PKNOX2: variants seen among roughly 807,000 people sequenced by gnomAD.
PKNOX2 encodes PBX/knotted 1 homeobox 2.
Under a neutral mutation model 53.1 loss-of-function variants are expected in PKNOX2, and 14 were observed. The ratio of observed to expected loss-of-function variants is 0.26; its 90% CI spans 0.17 to 0.41. The LOEUF (loss-of-function observed/expected upper bound fraction) is 0.41. Ranked by LOEUF, PKNOX2 falls within the 10% of genes least tolerant of loss-of-function variation. PKNOX2 has a pLI of 1.00. For synonymous variants in PKNOX2, 257 were observed against 242.8 expected, an observed-to-expected ratio of 1.06 and a Z score of -0.54; for missense variants, 496 against 602.8, an observed-to-expected ratio of 0.82 and a Z score of 1.85.
At chr11:125,298,339 G>A (rs1947799033) in intron 2 of PKNOX2, among the ~76,000 whole-genome samples, 1 of 152,188 alleles carries the variant, frequency 6.6e-6, no homozygotes, top group African/African-American at 2.4e-5. Context: ...CGTCACCAGG[G>A]ATAGAGGCCC....
At chr11:125,324,526 C>T (rs192762732) in intron 2 of PKNOX2, among the ~76,000 whole-genome samples, 28 of 152,156 alleles carry the variant, frequency 1.8e-4, no homozygotes, top group African/African-American at 5.5e-4. Context: ...ATTATATAAT[C>T]AAGTGGGGTG....
intron 2 of PKNOX2, among the ~76,000 whole-genome samples, chr11:125,262,431 C>T (rs1220899530): frequency 6.6e-6 from 1 of 151,760 alleles, no homozygotes; most frequent in Non-Finnish European, 1.5e-5. Context: ...CTTAGCGTCC[C>T]GTCGCAGATT....
intron 8 of PKNOX2, 98 bp downstream of exon 8, chr11:125,410,423 AG>A (rs1955437839): frequency 6.7e-7 from 1 of 1,483,370 alleles, no homozygotes; most frequent in Non-Finnish European, 9.1e-7. Flanking sequence ...TCCTCCACCG[AG>A]GGAGGGGCTC....
intron 1 of PKNOX2, among the ~76,000 whole-genome samples, chr11:125,178,942 A>G (rs1259283005): frequency 6.6e-6 from 1 of 152,004 alleles, no homozygotes; most frequent in Non-Finnish European, 1.5e-5. Context: ...GGGACAATGA[A>G]AGGAGATAGC....
chr11:125,215,479 C>A (rs1808480972), intron 1 of PKNOX2, among the ~76,000 whole-genome samples: 1 of 152,044 alleles, frequency 6.6e-6, no homozygotes, highest in Admixed American at 6.5e-5. Flanking sequence ...ATGCTGGGCG[C>A]GGTGGCTCAT....
At chr11:125,236,354 C>G (rs1942693793) in intron 2 of PKNOX2, among the ~76,000 whole-genome samples, 1 of 125,990 alleles carries the variant, frequency 7.9e-6, no homozygotes, top group African/African-American at 3.2e-5. Flanking sequence ...TCCCTCCATC[C>G]TGTTCCAGGA....
chr11:125,360,059 TC>T (rs1414359541), intron 4 of PKNOX2, among the ~76,000 whole-genome samples: 1 of 150,622 alleles, frequency 6.6e-6, no homozygotes, highest in Non-Finnish European at 1.5e-5. Context: ...AGCAGGAGAA[TC>T]GCCTGAATCC....
intron 2 of PKNOX2, among the ~76,000 whole-genome samples, chr11:125,316,276 T>G (rs1033257261): frequency 2.0e-5 from 3 of 152,208 alleles, no homozygotes; most frequent in African/African-American, 7.2e-5. Flanking sequence ...AGAACCTCCA[T>G]CCAGTGCCGG....
chr11:125,372,274 C>T (rs1952600066), intron 5 of PKNOX2, among the ~76,000 whole-genome samples: 1 of 152,214 alleles, frequency 6.6e-6, no homozygotes. Context: ...CCAAACCGCC[C>T]ACCTGAGGGC....
At chr11:125,245,917 T>G (rs114485879) in intron 2 of PKNOX2, among the ~76,000 whole-genome samples, 3,705 of 152,160 alleles carry the variant, frequency 0.024, 150 homozygotes, top group African/African-American at 0.084. Context: ...TTTTGTTTTG[T>G]TTTTAAGGGT....
chr11:125,322,386 G>A (rs746226220), intron 2 of PKNOX2, among the ~76,000 whole-genome samples: 35 of 152,068 alleles, frequency 2.3e-4, no homozygotes, highest in East Asian at 1.9e-4. Context: ...CTGCCCTTTC[G>A]TTCTACAGCC....
rs554561529 is a variant in PKNOX2 at position 125,170,405 on chromosome 11, G to A, written c.-201+5629G>A. 6.6e-5 allele frequency among the ~76,000 whole-genome samples: 10 copies of A among 152,284 alleles called. No homozygotes were observed. In the South Asian group the frequency reaches 1.5e-3, roughly 22 times the overall value. On this transcript the variant is annotated intron_variant, in intron 1 of 12. Coordinates refer to ENST00000298282, the MANE Select transcript of PKNOX2 (RefSeq NM_001382323.2). The stretch of plus-strand genomic sequence containing the variant: ...CATCTTAGTCTCCATTTTGATTGGG[G>A]GTGGGAGACAGGGCTGGGGGTTGAG...
chr11:125,309,986 C>T (rs1009883807), intron 2 of PKNOX2, among the ~76,000 whole-genome samples: 6 of 152,254 alleles, frequency 3.9e-5, no homozygotes, highest in South Asian at 2.1e-4. Flanking sequence ...CTTCCGGTTC[C>T]GCCATTCAAG....
chr11:125,409,548 A>C (rs1165023499), intron 7 of PKNOX2, among the ~76,000 whole-genome samples: 1 of 152,030 alleles, frequency 6.6e-6, no homozygotes, highest in African/African-American at 2.4e-5. Context: ...CTTATTTAAC[A>C]TGTATTTTAG....
intron 4 of PKNOX2, among the ~76,000 whole-genome samples, chr11:125,355,365 T>C (rs1246044442): frequency 6.6e-6 from 1 of 151,908 alleles, no homozygotes; most frequent in East Asian, 1.9e-4. Context: ...TTCTGGTGGC[T>C]TCCTGCTAAA....
rs920679652 is a variant in PKNOX2 at position 125,165,458 on chromosome 11, A to G, written c.-201+682A>G. ...GGGCCGGCGCTTACTCCGCGCCACC[A>G]GCCTGGAGATGCTTTCCAGCGGCTG... On this transcript the variant is annotated intron_variant, in intron 1 of 12. Transcript: ENST00000298282. The surrounding 1 kb of genome is among the most constrained non-coding windows in gnomAD (Gnocchi z 4.5). 1.1e-4 allele frequency among the ~76,000 whole-genome samples: 17 copies of G among 152,218 alleles called. No homozygotes were observed. The highest frequency in any genetic ancestry group is 3.9e-4 in the East Asian group (2 of 5,144).
At chr11:125,386,143 T>C (rs946200470) in intron 6 of PKNOX2, among the ~76,000 whole-genome samples, 2 of 152,226 alleles carry the variant, frequency 1.3e-5, no homozygotes, top group Non-Finnish European at 2.9e-5. Flanking sequence ...AAGGTATTAA[T>C]GTGTTGGAGC....
intron 1 of PKNOX2, among the ~76,000 whole-genome samples, chr11:125,216,558 A>G (rs533802295): frequency 4.7e-4 from 72 of 152,108 alleles, no homozygotes; most frequent in African/African-American, 7.0e-4. Flanking sequence ...CCTCTTCTTC[A>G]AAAGGGTTGC....
At chr11:125,259,013 C>T (rs1337777151) in intron 2 of PKNOX2, 1 of 181,968 alleles carries the variant, frequency 5.5e-6, no homozygotes, top group Non-Finnish European at 1.2e-5. Flanking sequence ...CGGACACATA[C>T]TAGGATCTCA....
Sources: allele counts gnomAD v4.1 joint callset (sites outside exome capture counted in the v4.1 genomes callset), GRCh38; gene constraint gnomAD v4.1.1; non-coding constraint Gnocchi (gnomAD v3.1); transcripts MANE v1.5; gene names NCBI Gene and HGNC (gene_info 2026-07-23, HGNC 2026-07-21).